The following PTGR2 variants were observed in gnomAD, a reference collection of about 807,000 sequenced individuals.
PTGR2 encodes prostaglandin reductase 2, also known as 15-oxoprostaglandin 13-reductase.
PTGR2 carries 32 observed loss-of-function variants against 43.4 expected under a neutral mutation model. That is an observed-to-expected ratio of 0.74 (90% CI 0.56 to 0.99). The LOEUF (loss-of-function observed/expected upper bound fraction) is 0.99, where lower values mean the gene tolerates loss of function less well. Ranked by LOEUF, PTGR2 falls within the 50% of genes least tolerant of loss-of-function variation. The pLI, the probability that PTGR2 is intolerant of heterozygous loss-of-function variation, is 0.00. For synonymous variants in PTGR2, 106 were observed against 139.2 expected, an observed-to-expected ratio of 0.76 and a Z score of 1.68; for missense variants, 373 against 420.0, an observed-to-expected ratio of 0.89 and a Z score of 0.98.
In PTGR2 at chr14:73,860,390, C is replaced by T. The variant is rs549980451; in HGVS notation, c.38-149C>T. On this transcript the variant is annotated intron_variant, in intron 2 of 9. Transcript: ENST00000555661. ...GCTGAGTCAGGAGAATCACTTGAAC[C>T]CAGGAGGCAGAGGTTGCAGTAAGCC... 537 of 457,142 alleles carry T rather than the reference C, an allele frequency of 1.2e-3. 3 individuals carry two copies. Among genetic ancestry groups the T allele is most frequent in the Admixed American group, 3.3e-3 (79 of 23,720 alleles). The allele number at this position is 457,142 out of a possible 1,614,324, so 28.3% of individuals were successfully genotyped here. A position where few individuals can be genotyped will look rare whatever the true frequency, so the allele number is the denominator to read the frequency against.
chr14:73,877,247 T>A (rs2054887044), intron 5 of PTGR2, 79 bp downstream of exon 5: 1 of 1,242,484 alleles, frequency 8.0e-7, no homozygotes, highest in Non-Finnish European at 1.1e-6. Flanking sequence ...CGGATATATG[T>A]ATACCATTAA....
At chr14:73,875,801 GGAAATTTT>G (rs1295847311) in intron 4 of PTGR2, among the ~76,000 whole-genome samples, 2 of 149,426 alleles carry the variant, frequency 1.3e-5, no homozygotes, top group Non-Finnish European at 3.0e-5. Flanking sequence ...CTCTTACATG[GGAAATTTT>G]TTAAAAGTTT....
chr14:73,875,996 T>A (rs1254468996), intron 4 of PTGR2, among the ~76,000 whole-genome samples: 2 of 151,798 alleles, frequency 1.3e-5, no homozygotes, highest in African/African-American at 4.8e-5. Context: ...ATTTTTTGTA[T>A]TTTTAGTAGA....
intron 3 of PTGR2, among the ~76,000 whole-genome samples, chr14:73,861,933 A>G (rs1468455837): frequency 6.6e-6 from 1 of 150,868 alleles, no homozygotes; most frequent in Non-Finnish European, 1.5e-5. Context: ...GCTGGAGTGC[A>G]GTGGCACTAT....
At chr14:73,863,769 C>CCA (rs1219256224) in intron 3 of PTGR2, among the ~76,000 whole-genome samples, 2 of 152,000 alleles carry the variant, frequency 1.3e-5, no homozygotes, top group African/African-American at 2.4e-5. Context: ...GCGTGCACCA[C>CCA]CACACCCAGC....
intron 5 of PTGR2, chr14:73,878,846 T>C (rs2054919863): frequency 1.3e-5 from 6 of 452,434 alleles, no homozygotes; most frequent in Non-Finnish European, 2.0e-5. Context: ...GATGGTTTTA[T>C]TGGGACATAT....
intron 3 of PTGR2, among the ~76,000 whole-genome samples, chr14:73,872,622 C>T (rs1253507859): frequency 1.3e-5 from 2 of 152,178 alleles, no homozygotes; most frequent in Non-Finnish European, 1.5e-5. Context: ...GGAATACTCA[C>T]AGAGCTTTGC....
chr14:73,880,320 C>G, intron 7 of PTGR2, 144 bp downstream of exon 7: 1 of 949,430 alleles, frequency 1.1e-6, no homozygotes, highest in Non-Finnish European at 1.6e-6. Flanking sequence ...TGCCTGTAAT[C>G]CTAGCACTTT....
chr14:73,859,315 G>A (rs2054433874), intron 2 of PTGR2, among the ~76,000 whole-genome samples: 1 of 152,088 alleles, frequency 6.6e-6, no homozygotes, highest in Non-Finnish European at 1.5e-5. Context: ...GATATGGAAA[G>A]AACCTGAGAG....
chr14:73,878,608 C>G (rs891061056), intron 5 of PTGR2: 1 of 443,516 alleles, frequency 2.3e-6, no homozygotes, highest in African/African-American at 2.1e-5. Flanking sequence ...GGTCAGCCAC[C>G]GTATGTGGCT....
rs188573847 is a variant in PTGR2 at position 73,865,416 on chromosome 14, G to A, written c.156+4759G>A. Among the ~76,000 whole-genome samples, 9 of 152,244 alleles carry A rather than the reference G, an allele frequency of 5.9e-5. No individual in the cohort carries two copies. The East Asian group carries it at 1.5e-3, about 26-fold the overall frequency. ...GTTCCATCTGGGCTCCTTGTTGAAT[G>A]GATGGTGCCCACCCACATTGAGGGC... On this transcript the variant is annotated intron_variant, in intron 3 of 9. Transcript: ENST00000555661.
intron 4 of PTGR2, among the ~76,000 whole-genome samples, chr14:73,876,105 C>T (rs1566640950): frequency 6.6e-6 from 1 of 152,090 alleles, no homozygotes; most frequent in Non-Finnish European, 1.5e-5. Flanking sequence ...AGGCGTGAGC[C>T]ACCGCACCCG....
rs1285448283 is a variant in PTGR2 at position 73,874,106 on chromosome 14, A to C, written c.240A>C (p.Gly80=). The C allele has an allele frequency of 6.2e-7, 1 of 1,613,856 alleles. No individual in the cohort carries two copies. Among genetic ancestry groups the C allele is most frequent in the Non-Finnish European group, 8.5e-7 (1 of 1,179,930 alleles). ...LSQVVDGGGI[G]IIEESKHTNL... Reference sequence around the variant, plus strand: ...AAGTCGTTGATGGAGGAGGTATTGGAATTATAGAAGAAAGCAAACACACAA... The same window carrying C: ...AAGTCGTTGATGGAGGAGGTATTGGCATTATAGAAGAAAGCAAACACACAA... Residue 80 remains glycine (G), a synonymous_variant, in exon 4 of 10, where the codon GGA becomes GGC. Transcript: ENST00000555661.
intron 3 of PTGR2, among the ~76,000 whole-genome samples, chr14:73,864,863 A>G (rs1325091049): frequency 1.3e-5 from 2 of 152,202 alleles, no homozygotes; most frequent in African/African-American, 2.4e-5. Flanking sequence ...ACTCATATCT[A>G]AGAAGGCTTT....
chr14:73,871,007 T>A (rs2054714358), intron 3 of PTGR2, among the ~76,000 whole-genome samples: 1 of 152,170 alleles, frequency 6.6e-6, no homozygotes, highest in Non-Finnish European at 1.5e-5. Flanking sequence ...AGATGACAAG[T>A]GGTTGGGAGC....
At chr14:73,873,138 T>A (rs2054776656) in intron 3 of PTGR2, among the ~76,000 whole-genome samples, 1 of 151,472 alleles carries the variant, frequency 6.6e-6, no homozygotes, top group Non-Finnish European at 1.5e-5. Flanking sequence ...AGAAACCACA[T>A]CTCTACTAAA....
At chr14:73,852,176 T>G (rs1273973399) in intron 1 of PTGR2, 1 of 152,242 alleles carries the variant, frequency 6.6e-6, no homozygotes, top group Non-Finnish European at 1.5e-5. Context: ...TTTGACGTAA[T>G]TGTGTTTGAG....
intron 3 of PTGR2, among the ~76,000 whole-genome samples, chr14:73,864,974 CTATG>C (rs1005442289): frequency 6.6e-6 from 1 of 152,132 alleles, no homozygotes; most frequent in African/African-American, 2.4e-5. Context: ...GGGTTAAACT[CTATG>C]TATGCGTATG....
intron 9 of PTGR2, among the ~76,000 whole-genome samples, chr14:73,883,412 G>A (rs1382225437): frequency 2.7e-5 from 4 of 149,522 alleles, no homozygotes; most frequent in Non-Finnish European, 5.9e-5. Context: ...ATATTGTCCA[G>A]GCAACTCCTG....
Sources: gnomAD v4.1 joint callset for allele counts (sites outside exome capture counted in the v4.1 genomes callset) on GRCh38, gnomAD v4.1.1 for gene constraint, MANE v1.5 for transcripts, NCBI Gene and HGNC (gene_info 2026-07-23, HGNC 2026-07-21) for gene names.